The following RBFOX1 variants were observed in gnomAD, a reference collection of about 807,000 sequenced individuals.
RBFOX1 encodes the protein RNA binding fox-1 homolog 1, also known as RNA binding protein fox-1 homolog 1.
RBFOX1 carries 8 observed loss-of-function variants against 57.7 expected under a neutral mutation model. The ratio of observed to expected loss-of-function variants is 0.14; its 90% CI spans 0.08 to 0.25. The LOEUF is 0.25. Ranked by LOEUF, RBFOX1 falls within the 10% of genes least tolerant of loss-of-function variation. The pLI is 1.00. For missense variants in RBFOX1, 611 were observed against 548.5 expected (o/e 1.11, Z -1.14); for synonymous variants, 326 against 222.4 (o/e 1.47, Z -4.15).
intron 4 of RBFOX1, among the ~76,000 whole-genome samples, chr16:7,276,932 A>T (rs1027508565): frequency 1.3e-5 from 2 of 152,226 alleles, no homozygotes; most frequent in African/African-American, 4.8e-5. Context: ...CGTCCCAGCA[A>T]AGTATCTAGT....
In RBFOX1 at chr16:5,337,810, T is replaced by C. The variant is rs540841813; in HGVS notation, c.219+97705T>C. On this transcript the variant is annotated intron_variant, in intron 1 of 2. Transcript: ENST00000585867. ...AGGAAGGAACTGGACTTTTGGAATATAAATTAATGTATTGCTTGAGCCCAG... is the reference window on the plus strand; with the variant it reads ...AGGAAGGAACTGGACTTTTGGAATACAAATTAATGTATTGCTTGAGCCCAG... Among the ~76,000 whole-genome samples the C allele has an allele frequency of 2.6e-5, 4 of 152,260 alleles. No homozygotes were observed. The South Asian group carries it at 8.3e-4, about 31-fold the overall frequency.
chr16:6,586,252 C>G (rs980229084), intron 2 of RBFOX1, among the ~76,000 whole-genome samples: 3 of 152,172 alleles, frequency 2.0e-5, no homozygotes, highest in African/African-American at 7.2e-5. Context: ...TGAAAACCAA[C>G]AATTTCTTTG....
chr16:7,688,735 T>C (rs546325078), intron 14 of RBFOX1, among the ~76,000 whole-genome samples: 6 of 152,238 alleles, frequency 3.9e-5, no homozygotes, highest in African/African-American at 1.4e-4. Context: ...CTTAAAAGAT[T>C]AGTCAGGCTA....
chr16:6,371,855 A>C (rs2090471433), intron 2 of RBFOX1, among the ~76,000 whole-genome samples: 1 of 152,212 alleles, frequency 6.6e-6, no homozygotes, highest in South Asian at 2.1e-4. Flanking sequence ...TCTAGGTTAA[A>C]ATTTCCCTGC....
chr16:5,441,658 C>A (rs927609723), intron 1 of RBFOX1, among the ~76,000 whole-genome samples: 1 of 152,116 alleles, frequency 6.6e-6, no homozygotes, highest in Non-Finnish European at 1.5e-5. Context: ...AGCCACTGTT[C>A]CTGGCAGGAA....
chr16:6,791,459 G>A (rs1053400552), intron 3 of RBFOX1, among the ~76,000 whole-genome samples: 45 of 152,180 alleles, frequency 3.0e-4, no homozygotes, highest in Middle Eastern at 3.4e-3. Flanking sequence ...ACTTCAAGAT[G>A]GCGAAAGTAG....
At chr16:5,470,492 T>C (rs2069099462) in intron 2 of RBFOX1, among the ~76,000 whole-genome samples, 1 of 152,010 alleles carries the variant, frequency 6.6e-6, no homozygotes, top group African/African-American at 2.4e-5. Flanking sequence ...TGTCTGTCTC[T>C]CTCAATCTCT....
chr16:6,857,631 A>G (rs774565244), intron 3 of RBFOX1, among the ~76,000 whole-genome samples: 2 of 152,164 alleles, frequency 1.3e-5, no homozygotes, highest in African/African-American at 2.4e-5. Flanking sequence ...TCAGTGTTAA[A>G]CTGTGTAAGA....
chr16:6,245,581 C>T (rs1470692717), intron 1 of RBFOX1, among the ~76,000 whole-genome samples: 1 of 152,088 alleles, frequency 6.6e-6, no homozygotes, highest in Non-Finnish European at 1.5e-5. Flanking sequence ...TCTTTATTGC[C>T]CTCTACACAC....
rs114322171 is a variant in RBFOX1 at position 6,618,016 on chromosome 16, T to C, written c.-63-36587T>C. Among the ~76,000 whole-genome samples the C allele has an allele frequency of 2.3e-3, 349 of 152,250 alleles. 1 individual carries two copies. Among genetic ancestry groups the C allele is most frequent in the African/African-American group, 8.1e-3 (338 of 41,566 alleles). On this transcript the variant is annotated intron_variant, in intron 2 of 15. Coordinates refer to ENST00000550418, the MANE Select transcript of RBFOX1 (RefSeq NM_018723.4). The stretch of plus-strand genomic sequence containing the variant: ...TATCTTTTCCTATCCACCTGGCAAA[T>C]ACCTCCTCATATGCATGCAAGACTT...
At chr16:6,162,684 G>A (rs147923893) in intron 1 of RBFOX1, among the ~76,000 whole-genome samples, 1 of 152,266 alleles carries the variant, frequency 6.6e-6, no homozygotes, top group East Asian at 1.9e-4. Context: ...GTTACAAGAT[G>A]TTGGTAAACC....
chr16:5,454,919 G>A (rs757060779), intron 1 of RBFOX1, among the ~76,000 whole-genome samples: 932 of 36,792 alleles, frequency 0.025, 56 homozygotes, highest in Middle Eastern at 0.052. Context: ...TCTTTCCTTT[G>A]TTTCTTTCTT....
At chr16:5,656,698 C>G (rs750758700) in intron 3 of RBFOX1, among the ~76,000 whole-genome samples, 7 of 152,208 alleles carry the variant, frequency 4.6e-5, no homozygotes, top group Non-Finnish European at 1.0e-4. Flanking sequence ...ATAGTCTTCT[C>G]TTCATCCATA....
At chr16:6,154,682 A>G (rs377411971) in intron 1 of RBFOX1, among the ~76,000 whole-genome samples, 3 of 152,204 alleles carry the variant, frequency 2.0e-5, no homozygotes, top group East Asian at 3.9e-4. Flanking sequence ...TGAATGTCAA[A>G]GAAGAAATGG....
intron 3 of RBFOX1, among the ~76,000 whole-genome samples, chr16:5,750,529 C>T (rs935395931): frequency 2.6e-5 from 4 of 152,204 alleles, no homozygotes; most frequent in Admixed American, 1.3e-4. Flanking sequence ...TTGGAGCTTC[C>T]CATCTGCTTT....
intron 2 of RBFOX1, among the ~76,000 whole-genome samples, chr16:6,464,027 C>G (rs1184746455): frequency 6.6e-6 from 1 of 152,186 alleles, no homozygotes; most frequent in Admixed American, 6.5e-5. Flanking sequence ...GTGAATTTCA[C>G]TGTTCCTGAT....
intron 4 of RBFOX1, among the ~76,000 whole-genome samples, chr16:7,358,774 A>T (rs1029475884): frequency 2.6e-5 from 4 of 152,168 alleles, no homozygotes; most frequent in Admixed American, 6.5e-5. Flanking sequence ...TGGTACAGCA[A>T]TGTTTGTATG....
intron 3 of RBFOX1, among the ~76,000 whole-genome samples, chr16:5,798,952 C>T (rs1003816784): frequency 2.6e-5 from 4 of 152,070 alleles, no homozygotes; most frequent in African/African-American, 7.2e-5. Flanking sequence ...TGCAAGATCT[C>T]GGGTGAGCCA....
chr16:5,389,334 TG>T (rs1375324632), intron 1 of RBFOX1, among the ~76,000 whole-genome samples: 1 of 152,188 alleles, frequency 6.6e-6, no homozygotes, highest in African/African-American at 2.4e-5. Context: ...TTTTCGACCT[TG>T]GCTCTATGGA....
Sources: allele counts gnomAD v4.1 joint callset (sites outside exome capture counted in the v4.1 genomes callset), GRCh38; gene constraint gnomAD v4.1.1; transcripts MANE v1.5; gene names NCBI Gene and HGNC (gene_info 2026-07-23, HGNC 2026-07-21).